Variants in NCS1 observed in about 807,000 individuals in gnomAD.
The protein encoded by NCS1 is neuronal calcium sensor 1, also known as frequenin homolog.
In NCS1, 6 loss-of-function variants were observed where a neutral mutation model predicts 28.4. The ratio of observed to expected loss-of-function variants is 0.21; its 90% CI spans 0.12 to 0.42. The LOEUF is 0.42. Among genes scored for constraint, NCS1 ranks in the 10% least tolerant of loss-of-function variants. The probability of loss-of-function intolerance (pLI) is 1.00; values close to 1 mark genes in which losing one functional copy is unlikely to be tolerated. For synonymous variants in NCS1, 86 were observed against 99.3 expected, an observed-to-expected ratio of 0.87 and a Z score of 0.79; for missense variants, 131 against 241.4, an observed-to-expected ratio of 0.54 and a Z score of 3.03.
At chr9:130,202,180 C>T (rs957525065) in intron 2 of NCS1, among the ~76,000 whole-genome samples, 32 of 152,236 alleles carry the variant, frequency 2.1e-4, no homozygotes, top group African/African-American at 7.5e-4. Context: ...CAGTCTGGCC[C>T]TGTTGACCCC....
At position 130,226,304 on chromosome 9, in the gene NCS1, C is replaced by T; in HGVS notation, c.475-85C>T. The T allele has an allele frequency of 8.5e-7, 1 of 1,180,590 alleles. No homozygotes were observed. Among genetic ancestry groups the T allele is most frequent in the Non-Finnish European group, 1.2e-6 (1 of 802,238 alleles). 73.1% of individuals were successfully genotyped at this position (1,180,590 alleles called of 1,614,324 possible). On this transcript the variant is annotated intron_variant, in intron 6 of 7. Transcript: ENST00000372398. The surrounding 1 kb of genome is among the most constrained non-coding windows in gnomAD (Gnocchi z 4.8). ...CCCTCCTGATCTAACCTTGGAAGGG[C>T]TCTTGGGACCGGCCCTGGGCTGGGC...
intron 2 of NCS1, among the ~76,000 whole-genome samples, chr9:130,202,570 C>A (rs1268261433): frequency 7.9e-6 from 1 of 127,338 alleles, no homozygotes; most frequent in African/African-American, 3.0e-5. Context: ...CTTGGTGCTT[C>A]AAATCCATGT....
rs1401584342 is a variant in NCS1 at position 130,180,437 on chromosome 9, GCACAT to G, written c.64+7713_64+7717del. Among the ~76,000 whole-genome samples the G allele has an allele frequency of 3.3e-5, 5 of 152,156 alleles. No homozygotes were observed. The highest frequency in any genetic ancestry group is 5.9e-5 in the Non-Finnish European group (4 of 68,030). ...AAAAAAAGCCAATATAAATTAAAAAGCACATCATCATTATGGTCATAACAAGATGA... is the reference window on the plus strand; with the variant it reads ...AAAAAAAGCCAATATAAATTAAAAAGCATCATTATGGTCATAACAAGATGA... On this transcript the variant is annotated intron_variant, in intron 1 of 7. Coordinates refer to ENST00000372398, the MANE Select transcript of NCS1 (RefSeq NM_014286.4). This position sits in a 1 kb window ranked among gnomAD's most constrained non-coding sequence, Gnocchi z 4.5.
In NCS1 at chr9:130,235,127, C is replaced by G. The variant is rs949080649; in HGVS notation, c.*2155C>G. ...CACGCTGGCCCCACGGTAACCCCCC[C>G]TCCCCCACCAACATCCTGCAGGGAT... is the stretch of plus-strand genomic sequence containing the variant. On this transcript the variant is annotated 3_prime_UTR_variant, in exon 8 of 8. Coordinates refer to ENST00000372398, the MANE Select transcript of NCS1 (RefSeq NM_014286.4). 1 of 152,304 alleles carries G rather than the reference C, an allele frequency of 6.6e-6. No homozygotes were observed. The highest frequency in any genetic ancestry group is 1.5e-5 in the Non-Finnish European group (1 of 68,196). The allele number at this position is 152,304 out of a possible 1,614,324, so 9.4% of individuals were successfully genotyped here.
intron 2 of NCS1, among the ~76,000 whole-genome samples, chr9:130,202,346 T>TC (rs1186193691): frequency 1.6e-3 from 129 of 78,650 alleles, no homozygotes; most frequent in Non-Finnish European, 2.4e-3. Context: ...TCCTCGCCCC[T>TC]CCCCCCCACC....
intron 2 of NCS1, among the ~76,000 whole-genome samples, chr9:130,214,218 C>A (rs1416647622): frequency 6.6e-6 from 1 of 152,182 alleles, no homozygotes; most frequent in African/African-American, 2.4e-5. Context: ...AGAGGAGGCC[C>A]GGAGGCCTCA....
rs1398463048 is a variant in NCS1 at position 130,181,792 on chromosome 9, C to T, written c.64+9065C>T. On this transcript the variant is annotated intron_variant, in intron 1 of 7. Coordinates refer to ENST00000372398, the MANE Select transcript of NCS1 (RefSeq NM_014286.4). The surrounding 1 kb of genome is among the most constrained non-coding windows in gnomAD (Gnocchi z 5.0). ...GGGCACGTGGGCAAGTCCCGATTCA[C>T]GTGGGCACGCTCCGAGCGTGAGTGA... Among the ~76,000 whole-genome samples, 1 of 152,086 alleles carries T rather than the reference C, an allele frequency of 6.6e-6. No individual in the cohort carries two copies. The highest frequency in any genetic ancestry group is 1.9e-4 in the East Asian group (1 of 5,182).
chr9:130,185,981 C>T (rs1445509850), intron 1 of NCS1, among the ~76,000 whole-genome samples: 1 of 152,222 alleles, frequency 6.6e-6, no homozygotes, highest in Non-Finnish European at 1.5e-5. Flanking sequence ...TTCCCCAGCT[C>T]AGGTTCTGTG....
At chr9:130,187,631 G>A (rs868934003) in intron 1 of NCS1, among the ~76,000 whole-genome samples, 5 of 152,202 alleles carry the variant, frequency 3.3e-5, no homozygotes, top group African/African-American at 9.7e-5. Flanking sequence ...GGAGGTGCTG[G>A]CAGTGGCCAA....
At chr9:130,225,084 C>G (rs184200678) in intron 6 of NCS1, among the ~76,000 whole-genome samples, 6 of 152,120 alleles carry the variant, frequency 3.9e-5, no homozygotes, top group African/African-American at 9.7e-5. Flanking sequence ...CCCAGCTACT[C>G]GGGAGGCTGA....
intron 7 of NCS1, among the ~76,000 whole-genome samples, chr9:130,228,170 A>G (rs1554911673): frequency 2.0e-5 from 3 of 151,456 alleles, no homozygotes. Flanking sequence ...AGTGATATCC[A>G]TCACTTTTTC....
chr9:130,225,792 C>T (rs1328402049), intron 6 of NCS1, among the ~76,000 whole-genome samples: 1 of 152,180 alleles, frequency 6.6e-6, no homozygotes, highest in Non-Finnish European at 1.5e-5. Flanking sequence ...TCTGGATACC[C>T]GAGATCGAGT....
chr9:130,180,740 C>G lies in NCS1; in HGVS notation c.64+8013C>G, dbSNP rs1347213762. Among the ~76,000 whole-genome samples the G allele has an allele frequency of 1.3e-5, 2 of 152,200 alleles. No individual in the cohort carries two copies. Among genetic ancestry groups the G allele is most frequent in the African/African-American group, 4.8e-5 (2 of 41,452 alleles). On this transcript the variant is annotated intron_variant, in intron 1 of 7. Transcript: ENST00000372398. The surrounding 1 kb of genome is among the most constrained non-coding windows in gnomAD (Gnocchi z 4.5). The stretch of plus-strand genomic sequence containing the variant: ...AGTAGGTGCTCAGTAAATGCTCTCC[C>G]AGGAAGGAGGCTGCTGGACCGGCTG...
intron 1 of NCS1, among the ~76,000 whole-genome samples, chr9:130,199,490 A>T (rs1488140067): frequency 2.6e-5 from 4 of 152,144 alleles, no homozygotes; most frequent in African/African-American, 9.7e-5. Context: ...CAGCACGGGG[A>T]TGGAGGCATC....
intron 1 of NCS1, among the ~76,000 whole-genome samples, chr9:130,174,970 TGTG>T (rs1832544573): frequency 6.6e-6 from 1 of 152,036 alleles, no homozygotes; most frequent in South Asian, 2.1e-4. Flanking sequence ...AACTGGCCCT[TGTG>T]GTGCTGGGCT....
chr9:130,232,723 T>C lies in NCS1; in HGVS notation c.*18-267T>C, dbSNP rs574818103. ...ATCGCTTGAACCCAAGAGGTGGAGGTTGCAGTGAGCCGAGATTATGCCACT... is the reference window on the plus strand; with the variant it reads ...ATCGCTTGAACCCAAGAGGTGGAGGCTGCAGTGAGCCGAGATTATGCCACT... On this transcript the variant is annotated intron_variant, in intron 7 of 7. Transcript: ENST00000372398. The surrounding 1 kb of genome is among the most constrained non-coding windows in gnomAD (Gnocchi z 4.4). Among the ~76,000 whole-genome samples, 21 of 151,804 alleles carry C rather than the reference T, an allele frequency of 1.4e-4. No homozygotes were observed. Among genetic ancestry groups the C allele is most frequent in the African/African-American group, 5.1e-4 (21 of 41,332 alleles).
intron 1 of NCS1, chr9:130,193,861 T>C (rs555442965): frequency 6.6e-6 from 1 of 152,436 alleles, no homozygotes; most frequent in African/African-American, 2.4e-5. Flanking sequence ...GACTGTCTGA[T>C]TTAGTAAGAT....
At chr9:130,222,852 G>T (rs1833351970) in intron 5 of NCS1, 114 bp downstream of exon 5, 4 of 1,146,774 alleles carry the variant, frequency 3.5e-6, no homozygotes, top group Non-Finnish European at 2.6e-6. Flanking sequence ...GGAAGCAGGG[G>T]TCACTGGCTG....
chr9:130,186,483 T>C lies in NCS1; in HGVS notation c.64+13756T>C, dbSNP rs1554905638. 6.6e-6 allele frequency among the ~76,000 whole-genome samples: 1 copy of C among 152,112 alleles called. No homozygotes were observed. Among genetic ancestry groups the C allele is most frequent in the Non-Finnish European group, 1.5e-5 (1 of 68,018 alleles). Reference sequence around the variant, plus strand: ...GTTTGCTGAATTTGATAGTACTGCTTGAGGGAGATGAGAAGTTTGCGGGGA... The same window carrying C: ...GTTTGCTGAATTTGATAGTACTGCTCGAGGGAGATGAGAAGTTTGCGGGGA... On this transcript the variant is annotated intron_variant, in intron 1 of 7. Transcript: ENST00000372398. This position sits in a 1 kb window ranked among gnomAD's most constrained non-coding sequence, Gnocchi z 4.1.
Sources: allele counts gnomAD v4.1 joint callset (sites outside exome capture counted in the v4.1 genomes callset), GRCh38; gene constraint gnomAD v4.1.1; non-coding constraint Gnocchi (gnomAD v3.1); transcripts MANE v1.5; gene names NCBI Gene and HGNC (gene_info 2026-07-23, HGNC 2026-07-21).